Variants in BCAS4 observed in about 807,000 individuals in gnomAD.
BCAS4 encodes the protein breast carcinoma amplified sequence 4.
In BCAS4, 9 loss-of-function variants were observed where a neutral mutation model predicts 15.7. That is an observed-to-expected ratio of 0.57 (90% confidence interval 0.34 to 1.00). The LOEUF is 1.00. Ranked by LOEUF, BCAS4 falls within the 50% of genes least tolerant of loss-of-function variation. BCAS4 has a pLI of 0.02. For synonymous variants in BCAS4, 101 were observed against 99.5 expected (o/e 1.02, Z -0.09); for missense variants, 225 against 239.1 (o/e 0.94, Z 0.39).
intron 1 of BCAS4, among the ~76,000 whole-genome samples, chr20:50,811,383 A>G (rs1447574251): frequency 1.3e-5 from 2 of 152,158 alleles, no homozygotes; most frequent in African/African-American, 4.8e-5. Flanking sequence ...AAAAATTGGT[A>G]TATAATTCAT....
chr20:50,795,314 C>A, intron 1 of BCAS4, 141 bp downstream of exon 1: 1 of 765,352 alleles, frequency 1.3e-6, no homozygotes, highest in Non-Finnish European at 1.8e-6. Flanking sequence ...AGGGTGGCTG[C>A]GGGGCGCCAC....
At chr20:50,804,840 C>T (rs1044114651) in intron 1 of BCAS4, among the ~76,000 whole-genome samples, 3 of 152,106 alleles carry the variant, frequency 2.0e-5, no homozygotes, top group African/African-American at 4.8e-5. Flanking sequence ...AACGAGTTCC[C>T]GAGTTTCTTC....
chr20:50,820,095 G>A (rs553791466), intron 2 of BCAS4, among the ~76,000 whole-genome samples: 13 of 152,264 alleles, frequency 8.5e-5, no homozygotes, highest in South Asian at 4.2e-4. Flanking sequence ...CTCCCGCCTC[G>A]GCCTCCCAAA....
At chr20:50,827,179 C>T (rs1263266567) in intron 2 of BCAS4, among the ~76,000 whole-genome samples, 1 of 152,254 alleles carries the variant, frequency 6.6e-6, no homozygotes, top group Non-Finnish European at 1.5e-5. Context: ...TCTCCTTAGT[C>T]TATTCCGGTC....
chr20:50,841,307 A>G (rs925735976), intron 3 of BCAS4, among the ~76,000 whole-genome samples: 2 of 152,182 alleles, frequency 1.3e-5, no homozygotes, highest in Admixed American at 6.5e-5. Context: ...TATTAAAATG[A>G]GCAATTGTGT....
At position 50,845,106 on chromosome 20, in the gene BCAS4, G is replaced by A. The variant is rs377662782; in HGVS notation, c.399+3206G>A. On this transcript the variant is annotated intron_variant, in intron 4 of 4. Coordinates refer to ENST00000371608, the MANE Select transcript of BCAS4 (RefSeq NM_198799.4). ...GTAGTCGCCTCACACCCCACCCTGT[G>A]AAGAGGGTGTGGTCATTGTTCCTGT... Among the ~76,000 whole-genome samples the A allele has an allele frequency of 3.7e-4, 56 of 152,252 alleles. No homozygotes were observed. The East Asian group carries it at 6.2e-3, about 17-fold the overall frequency.
At chr20:50,807,380 G>T (rs954248342) in intron 1 of BCAS4, among the ~76,000 whole-genome samples, 2 of 151,670 alleles carry the variant, frequency 1.3e-5, no homozygotes, top group African/African-American at 4.8e-5. Context: ...TTTTTGTAGA[G>T]ATGGGGTTTC....
intron 1 of BCAS4, among the ~76,000 whole-genome samples, chr20:50,803,818 AAAG>A (rs1368647058): frequency 2.0e-4 from 30 of 150,870 alleles, no homozygotes; most frequent in African/African-American, 6.2e-4. Context: ...AAAAAAAAAA[AAAG>A]AGAGAGAAAA....
intron 1 of BCAS4, among the ~76,000 whole-genome samples, chr20:50,807,550 G>C (rs989427034): frequency 2.0e-5 from 3 of 152,254 alleles, no homozygotes; most frequent in African/African-American, 7.2e-5. Flanking sequence ...GTGGTGTTTG[G>C]TTACATGAAT....
intron 1 of BCAS4, among the ~76,000 whole-genome samples, chr20:50,806,862 CTTTTTTTTTTT>C (rs34670373): frequency 2.4e-5 from 2 of 83,356 alleles, no homozygotes; most frequent in Admixed American, 1.4e-4. Flanking sequence ...TCCATTTATA[CTTTTTTTTTTT>C]TTTTTTTTTT....
intron 4 of BCAS4, among the ~76,000 whole-genome samples, chr20:50,852,608 C>T (rs947920575): frequency 6.6e-6 from 1 of 151,744 alleles, no homozygotes; most frequent in African/African-American, 2.4e-5. Context: ...TCTTGAACTC[C>T]TGACCCCAAG....
chr20:50,809,754 A>C (rs1177593336), intron 1 of BCAS4, among the ~76,000 whole-genome samples: 1 of 152,008 alleles, frequency 6.6e-6, no homozygotes, highest in South Asian at 2.1e-4. Context: ...ATATGTTTCC[A>C]TTTGTTTGTG....
At chr20:50,799,556 C>T (rs143042108) in intron 1 of BCAS4, among the ~76,000 whole-genome samples, 13 of 152,258 alleles carry the variant, frequency 8.5e-5, no homozygotes, top group Non-Finnish European at 1.9e-4. Context: ...GCCTGTCTCC[C>T]GGGGGCACTT....
intron 2 of BCAS4, among the ~76,000 whole-genome samples, chr20:50,819,832 G>GTCCC (rs2088191844): frequency 6.6e-6 from 1 of 150,664 alleles, no homozygotes; most frequent in African/African-American, 2.4e-5. Context: ...CTTTCCCTCC[G>GTCCC]TCCCTCCCTT....
At chr20:50,839,790 G>C (rs2088454226) in intron 3 of BCAS4, among the ~76,000 whole-genome samples, 2 of 152,206 alleles carry the variant, frequency 1.3e-5, no homozygotes, top group Non-Finnish European at 1.5e-5. Flanking sequence ...ATAGGCATGA[G>C]AGCTATTCCA....
intron 3 of BCAS4, among the ~76,000 whole-genome samples, chr20:50,836,810 C>T (rs765757729): frequency 2.6e-5 from 4 of 152,126 alleles, no homozygotes; most frequent in South Asian, 2.1e-4. Flanking sequence ...TGGCCTCAAC[C>T]GATCCTCTCA....
At chr20:50,822,746 G>A (rs1213400960) in intron 2 of BCAS4, among the ~76,000 whole-genome samples, 3 of 150,750 alleles carry the variant, frequency 2.0e-5, no homozygotes, top group Non-Finnish European at 4.4e-5. Context: ...AGCGATTCTC[G>A]TGCCCCAGCA....
Position 50,841,747 on chromosome 20 carries a change from G to T in BCAS4, c.265-19G>T. ...CAGCCTGCACAGATGCGGCATCATG[G>T]CTTCTCCGTGTCCCTCAGGCCTTCG... On this transcript the variant is annotated intron_variant, in intron 3 of 4. Transcript: ENST00000371608. 1 of 1,613,932 alleles carries T rather than the reference G, an allele frequency of 6.2e-7. No individual in the cohort carries two copies. Among genetic ancestry groups the T allele is most frequent in the South Asian group, 1.1e-5 (1 of 91,082 alleles).
chr20:50,835,331 G>A (rs1242909985), intron 3 of BCAS4, among the ~76,000 whole-genome samples: 1 of 147,300 alleles, frequency 6.8e-6, no homozygotes, highest in Non-Finnish European at 1.5e-5. Context: ...TGCAACCTCT[G>A]CCTCCCGGGT....
Sources: allele counts gnomAD v4.1 joint callset (sites outside exome capture counted in the v4.1 genomes callset), GRCh38; gene constraint gnomAD v4.1.1; transcripts MANE v1.5; gene names NCBI Gene and HGNC (gene_info 2026-07-23, HGNC 2026-07-21).